Variants in SORCS2 observed in about 807,000 individuals in gnomAD.
SORCS2 encodes VPS10 domain-containing receptor SorCS2.
Under a neutral mutation model 141.6 loss-of-function variants are expected in SORCS2, and 100 were observed. The observed-to-expected ratio is 0.71, with a 90% CI of 0.60 to 0.83. The LOEUF (loss-of-function observed/expected upper bound fraction) is 0.83. Ranked by LOEUF, SORCS2 falls within the 40% of genes least tolerant of loss-of-function variation. The probability of loss-of-function intolerance (pLI) is 0.00; values close to 1 mark genes in which losing one functional copy is unlikely to be tolerated. For synonymous variants in SORCS2, 789 were observed against 676.9 expected (o/e 1.17, Z -2.57); for missense variants, 1,646 against 1,560.2 (o/e 1.05, Z -0.93).
intron 12 of SORCS2, among the ~76,000 whole-genome samples, chr4:7,700,773 C>T (rs1418127021): frequency 1.3e-5 from 2 of 152,158 alleles, no homozygotes; most frequent in East Asian, 1.9e-4. Flanking sequence ...ATCTGGGGAG[C>T]CCCCAGGTTA....
rs1015421037 is a variant in SORCS2 at position 7,349,628 on chromosome 4, C to G, written c.481-46660C>G. Among the ~76,000 whole-genome samples the G allele has an allele frequency of 4.6e-5, 7 of 152,194 alleles. No homozygotes were observed. In the East Asian group the frequency reaches 1.3e-3, roughly 29 times the overall value. ...CATGTCCTTCGCCACCCAGTGAGGGCTTGGACAAAGTGAGCAGACCTCAAG... is the reference window on the plus strand; with the variant it reads ...CATGTCCTTCGCCACCCAGTGAGGGGTTGGACAAAGTGAGCAGACCTCAAG... On this transcript the variant is annotated intron_variant, in intron 1 of 26. Coordinates refer to ENST00000507866, the MANE Select transcript of SORCS2 (RefSeq NM_020777.3).
At chr4:7,515,871 C>T (rs555252206) in intron 2 of SORCS2, among the ~76,000 whole-genome samples, 2 of 152,320 alleles carry the variant, frequency 1.3e-5, no homozygotes, top group East Asian at 1.9e-4. Flanking sequence ...AGATCACCCA[C>T]GGGGCTGCTT....
chr4:7,421,608 GC>G (rs1251508528), intron 2 of SORCS2, among the ~76,000 whole-genome samples: 31 of 147,370 alleles, frequency 2.1e-4, no homozygotes, highest in Non-Finnish European at 2.7e-4. Flanking sequence ...TGAGGTTCTT[GC>G]CCCCCATAAC....
At chr4:7,405,229 C>T (rs915896436) in intron 2 of SORCS2, among the ~76,000 whole-genome samples, 1 of 152,110 alleles carries the variant, frequency 6.6e-6, no homozygotes. Flanking sequence ...ATTTGTATAA[C>T]AGTACCATGC....
chr4:7,741,180 T>C lies in SORCS2; in HGVS notation c.*916T>C. 1 of 398,652 alleles carries C rather than the reference T, an allele frequency of 2.5e-6. No individual in the cohort carries two copies. The highest frequency in any genetic ancestry group is 4.4e-6 in the Non-Finnish European group (1 of 226,108). The allele number at this position is 398,652 out of a possible 1,614,324, so 24.7% of individuals were successfully genotyped here. A position where few individuals can be genotyped will look rare whatever the true frequency, so the allele number is the denominator to read the frequency against. On this transcript the variant is annotated 3_prime_UTR_variant, in exon 27 of 27. Transcript: ENST00000507866. Reference sequence around the variant, plus strand: ...TGGAGACGGCACCAGATGTACCAGTTTTCTGCAGTTCCTTATAGGCGAAGG... The same window carrying C: ...TGGAGACGGCACCAGATGTACCAGTCTTCTGCAGTTCCTTATAGGCGAAGG...
intron 17 of SORCS2, among the ~76,000 whole-genome samples, chr4:7,716,640 C>CCCAT (rs1726211348): frequency 6.6e-6 from 1 of 151,060 alleles, no homozygotes; most frequent in Non-Finnish European, 1.5e-5. Context: ...CATCCATCTA[C>CCCAT]CCATCCATCT....
intron 9 of SORCS2, among the ~76,000 whole-genome samples, chr4:7,676,891 C>CTTT (rs1560475781): frequency 9.3e-5 from 3 of 32,322 alleles, no homozygotes; most frequent in African/African-American, 7.5e-5. Flanking sequence ...CTGAAGTTGG[C>CTTT]CTCTCTCTCT....
At chr4:7,433,848 G>A in intron 2 of SORCS2, 1 of 1,613,888 alleles carries the variant, frequency 6.2e-7, no homozygotes, top group Non-Finnish European at 8.5e-7. Flanking sequence ...CCAAGGAGGG[G>A]CTGTAGGTGT....
intron 1 of SORCS2, among the ~76,000 whole-genome samples, chr4:7,395,508 G>T (rs1012167005): frequency 4.6e-5 from 7 of 152,184 alleles, no homozygotes; most frequent in Admixed American, 1.3e-4. Flanking sequence ...TTTCCCATCA[G>T]GGCCGGTGCA....
At chr4:7,342,909 T>G (rs1720443905) in intron 1 of SORCS2, among the ~76,000 whole-genome samples, 2 of 152,154 alleles carry the variant, frequency 1.3e-5, no homozygotes, top group Admixed American at 1.3e-4. Context: ...TTGAAGGTGG[T>G]GATGCCTGCT....
At chr4:7,621,439 C>T (rs1284290594) in intron 3 of SORCS2, among the ~76,000 whole-genome samples, 1 of 143,656 alleles carries the variant, frequency 7.0e-6, no homozygotes, top group African/African-American at 2.7e-5. Flanking sequence ...GAGTGTGTGT[C>T]TATGTGTGTG....
chr4:7,656,082 G>A (rs1363243326), intron 5 of SORCS2, among the ~76,000 whole-genome samples: 3 of 152,198 alleles, frequency 2.0e-5, no homozygotes, highest in Non-Finnish European at 2.9e-5. Context: ...CCTTGTAAGC[G>A]GTGAATAATG....
chr4:7,543,961 C>CATCCATCCGTCCATCT (rs1713022513), intron 3 of SORCS2, among the ~76,000 whole-genome samples: 9 of 119,906 alleles, frequency 7.5e-5, no homozygotes, highest in Non-Finnish European at 1.5e-4. Context: ...TCCATCCATC[C>CATCCATCCGTCCATCT]ATCCATCCAT....
chr4:7,207,918 G>T lies in SORCS2; in HGVS notation c.480+14792G>T, dbSNP rs576130551. Among the ~76,000 whole-genome samples, 6 of 152,220 alleles carry T rather than the reference G, an allele frequency of 3.9e-5. No homozygotes were observed. The East Asian group carries it at 1.2e-3, about 30-fold the overall frequency. Reference sequence around the variant, plus strand: ...TCAAGTCAGAATTTCTTTCCATCTTGCCTGTGGCCGAGCAGAGGGCTGGGC... The same window carrying T: ...TCAAGTCAGAATTTCTTTCCATCTTTCCTGTGGCCGAGCAGAGGGCTGGGC... On this transcript the variant is annotated intron_variant, in intron 1 of 26. Transcript: ENST00000507866.
chr4:7,601,996 T>C (rs1717726462), intron 3 of SORCS2, among the ~76,000 whole-genome samples: 1 of 152,200 alleles, frequency 6.6e-6, no homozygotes. Context: ...GGTAAGGCCA[T>C]AGATTAACAG....
chr4:7,305,179 C>A (rs1717709767), intron 1 of SORCS2, among the ~76,000 whole-genome samples: 1 of 152,064 alleles, frequency 6.6e-6, no homozygotes, highest in Non-Finnish European at 1.5e-5. Flanking sequence ...CTGCAGGCGC[C>A]TGCCACCGCG....
At chr4:7,405,180 T>G (rs866878356) in intron 2 of SORCS2, among the ~76,000 whole-genome samples, 1 of 152,212 alleles carries the variant, frequency 6.6e-6, no homozygotes, top group Non-Finnish European at 1.5e-5. Flanking sequence ...GTGGCTTTAT[T>G]TCTGGGTTCT....
At chr4:7,565,110 C>G (rs1194264267) in intron 3 of SORCS2, among the ~76,000 whole-genome samples, 1 of 152,198 alleles carries the variant, frequency 6.6e-6, no homozygotes, top group Non-Finnish European at 1.5e-5. Context: ...CCTGGCATTT[C>G]TGGATTCTGT....
chr4:7,590,253 G>T (rs932058064), intron 3 of SORCS2, among the ~76,000 whole-genome samples: 1 of 152,210 alleles, frequency 6.6e-6, no homozygotes, highest in Non-Finnish European at 1.5e-5. Context: ...ATATGTGGCG[G>T]AAAATTATGC....
Sources: allele counts gnomAD v4.1 joint callset (sites outside exome capture counted in the v4.1 genomes callset), GRCh38; gene constraint gnomAD v4.1.1; transcripts MANE v1.5; gene names NCBI Gene and HGNC (gene_info 2026-07-23, HGNC 2026-07-21).